Variants in ANK1 observed in about 807,000 individuals in gnomAD.
The protein encoded by ANK1 is ankyrin 1, also known as ankyrin-1.
A neutral mutation model predicts 210.4 loss-of-function variants in ANK1; 51 were observed. The ratio of observed to expected loss-of-function variants is 0.24; its 90% confidence interval spans 0.19 to 0.31. The LOEUF (loss-of-function observed/expected upper bound fraction) is 0.31. Ranked by LOEUF, ANK1 falls within the 10% of genes least tolerant of loss-of-function variation. ANK1 has a pLI of 1.00. For synonymous variants in ANK1, 967 were observed against 1,025.9 expected, an observed-to-expected ratio of 0.94 and a Z score of 1.10; for missense variants, 2,051 against 2,504.4, an observed-to-expected ratio of 0.82 and a Z score of 3.86.
At chr8:41,682,553 C>T (rs16890736) in intron 37 of ANK1, among the ~76,000 whole-genome samples, 1 of 152,238 alleles carries the variant, frequency 6.6e-6, no homozygotes, top group Non-Finnish European at 1.5e-5. Flanking sequence ...GCCAAATGGG[C>T]TGACCCCCTG....
chr8:41,662,256 C>CA lies in ANK1; in HGVS notation c.5479-316dup, dbSNP rs11411870. Reference sequence around the variant, plus strand: ...TGGTTGACAGAGCAACACTCTGTGTCAAAAAAAAAAAGGCGGGGGGGCTGG... The same window carrying CA: ...TGGTTGACAGAGCAACACTCTGTGTCAAAAAAAAAAAAGGCGGGGGGGCTGG... On this transcript the variant is annotated intron_variant, in intron 40 of 42. Transcript: ENST00000289734. Among the ~76,000 whole-genome samples, 29,947 of 139,686 alleles carry CA rather than the reference C, an allele frequency of 0.21. 3,137 individuals carry two copies. Among genetic ancestry groups the CA allele is most frequent in the Middle Eastern group, 0.33 (91 of 274 alleles). The allele number at this position is 139,686 out of a possible 152,430, so 91.6% of individuals were successfully genotyped here. A position where few individuals can be genotyped will look rare whatever the true frequency, so the allele number is the denominator to read the frequency against.
intron 1 of ANK1, among the ~76,000 whole-genome samples, chr8:41,763,113 G>A (rs1230227609): frequency 6.6e-6 from 1 of 152,022 alleles, no homozygotes; most frequent in African/African-American, 2.4e-5. Flanking sequence ...TTACTTGGGA[G>A]GGTGAGGCAG....
chr8:41,680,428 T>C (rs1815605800), intron 37 of ANK1, among the ~76,000 whole-genome samples: 1 of 151,982 alleles, frequency 6.6e-6, no homozygotes, highest in Admixed American at 6.6e-5. Flanking sequence ...CTGGGTATGG[T>C]GGCGGGCACC....
Position 41,672,521 on chromosome 8 carries a change from A to C in ANK1, c.4929T>G (p.Gly1643=). 1 of 1,614,018 alleles carries C rather than the reference A, an allele frequency of 6.2e-7. No individual in the cohort carries two copies. The highest frequency in any genetic ancestry group is 8.5e-7 in the Non-Finnish European group (1 of 1,179,992). Residue 1643 remains glycine (G), a synonymous_variant, in exon 38 of 43, where the codon GGT becomes GGG. Coordinates refer to ENST00000289734, the MANE Select transcript of ANK1 (RefSeq NM_000037.4). Reference sequence around the variant, plus strand: ...CTGGCAGCTTCTCTTCTGACCTCTGACCTTCCTCCTGTTCAAGCAAATCGA... The same window carrying C: ...CTGGCAGCTTCTCTTCTGACCTCTGCCCTTCCTCCTGTTCAAGCAAATCGA... ...GLIDLLEQEE[G]QRSEEKLPGS...
chr8:41,891,207 G>A (rs1385424252), intron 1 of ANK1, among the ~76,000 whole-genome samples: 15 of 152,120 alleles, frequency 9.9e-5, no homozygotes, highest in Admixed American at 8.5e-4. Flanking sequence ...GATGAAGAGC[G>A]CCTGTACATA....
At chr8:41,717,781 A>C in intron 11 of ANK1, 79 bp from the exon 12 acceptor site, 1 of 1,249,576 alleles carries the variant, frequency 8.0e-7, no homozygotes, top group Non-Finnish European at 1.1e-6. Flanking sequence ...ACAGTATCTA[A>C]CGCTTTCACA....
At chr8:41,734,180 G>T in intron 2 of ANK1, 111 bp from the exon 3 acceptor site, 1 of 938,584 alleles carries the variant, frequency 1.1e-6, no homozygotes, top group Non-Finnish European at 1.7e-6. Flanking sequence ...CAGCACTGGA[G>T]AAAAGGAGTG....
At chr8:41,881,303 CAG>C (rs569304177) in intron 1 of ANK1, among the ~76,000 whole-genome samples, 2 of 152,314 alleles carry the variant, frequency 1.3e-5, no homozygotes, top group South Asian at 4.1e-4. Context: ...TTCCGAGAGG[CAG>C]AGTCAAGACC....
At position 41,809,609 on chromosome 8, in the gene ANK1, AT is replaced by A. The variant is rs1309897539; in HGVS notation, c.127-51473del. 2.0e-5 allele frequency among the ~76,000 whole-genome samples: 3 copies of A among 152,004 alleles called. No homozygotes were observed. In the East Asian group the frequency reaches 5.8e-4, roughly 29 times the overall value. On this transcript the variant is annotated intron_variant, in intron 1 of 42. Coordinates refer to the ANK1 transcript ENST00000265709. ...TAGCAAGACCCCACCTGTACAAAAA[AT>A]TTTTTAAATTAGCCAGGCATGAGGG...
intron 3 of ANK1, among the ~76,000 whole-genome samples, chr8:41,731,891 C>G (rs1832272582): frequency 6.6e-6 from 1 of 152,266 alleles, no homozygotes; most frequent in African/African-American, 2.4e-5. Flanking sequence ...AGATGGCACA[C>G]AGCTCACAGC....
chr8:41,840,910 G>A (rs1025438186), intron 1 of ANK1, among the ~76,000 whole-genome samples: 1 of 152,160 alleles, frequency 6.6e-6, no homozygotes, highest in Non-Finnish European at 1.5e-5. Flanking sequence ...AAGGAGTGCT[G>A]GCCAGGTCAT....
At chr8:41,777,689 CGTGAA>C (rs1215158539) in intron 1 of ANK1, among the ~76,000 whole-genome samples, 13 of 152,194 alleles carry the variant, frequency 8.5e-5, no homozygotes, top group African/African-American at 2.4e-4. Context: ...TCCATGAATT[CGTGAA>C]GTGAAGACCT....
chr8:41,865,035 C>T (rs1197689792), intron 1 of ANK1, among the ~76,000 whole-genome samples: 1 of 152,182 alleles, frequency 6.6e-6, no homozygotes, highest in Non-Finnish European at 1.5e-5. Flanking sequence ...AGGGGATCAC[C>T]CCCATTCCTA....
intron 1 of ANK1, among the ~76,000 whole-genome samples, chr8:41,859,176 A>C (rs1359149885): frequency 6.6e-6 from 1 of 152,230 alleles, no homozygotes; most frequent in East Asian, 1.9e-4. Context: ...AACCTAGGAC[A>C]GGAGAGGAAC....
At position 41,723,589 on chromosome 8, in the gene ANK1, C is replaced by G. The variant is rs377388775; in HGVS notation, c.756G>C (p.Val252=). 7 of 1,613,834 alleles carry G rather than the reference C, an allele frequency of 4.3e-6. No individual in the cohort carries two copies. In the African/African-American group the frequency reaches 6.7e-5, roughly 15 times the overall value. The stretch of plus-strand genomic sequence containing the variant: ...GATCCAGCAGCAGCCGCACCATGAT[C>G]ACGTTGCCCCTGCGGGAGGCGATGT... ...PLHIASRRGN[V]IMVRLLLDRG... is the part of the protein sequence containing the mutation. The change falls in exon 8 of 43, where the codon GTG becomes GTC. Residue 252 remains valine (V), a synonymous_variant. Coordinates refer to ENST00000289734, the MANE Select transcript of ANK1 (RefSeq NM_000037.4).
intron 17 of ANK1, among the ~76,000 whole-genome samples, chr8:41,707,764 G>A (rs1460363721): frequency 2.0e-5 from 3 of 152,186 alleles, no homozygotes; most frequent in Non-Finnish European, 4.4e-5. Flanking sequence ...TTCGCTCATT[G>A]GGGGTCAATT....
intron 1 of ANK1, among the ~76,000 whole-genome samples, chr8:41,814,350 A>C (rs936893067): frequency 7.4e-6 from 1 of 134,992 alleles, no homozygotes; most frequent in Middle Eastern, 3.7e-3. Context: ...ACAGAGCAAG[A>C]CTCCATCTCA....
At chr8:41,775,249 G>A (rs1240463515) in intron 1 of ANK1, among the ~76,000 whole-genome samples, 2 of 152,164 alleles carry the variant, frequency 1.3e-5, no homozygotes, top group Admixed American at 6.5e-5. Context: ...TGGAGCAGGC[G>A]GGGCCGACCA....
intron 24 of ANK1, among the ~76,000 whole-genome samples, chr8:41,697,565 C>T (rs1053699168): frequency 4.6e-5 from 7 of 152,014 alleles, no homozygotes; most frequent in Admixed American, 2.0e-4. Context: ...AGCACTCCCC[C>T]GCTCTCCCTC....
Sources: gnomAD v4.1 joint callset for allele counts (sites outside exome capture counted in the v4.1 genomes callset) on GRCh38, gnomAD v4.1.1 for gene constraint, MANE v1.5 for transcripts, NCBI Gene and HGNC (gene_info 2026-07-23, HGNC 2026-07-21) for gene names.